Variants in CTNNA3 observed in about 807,000 individuals in gnomAD.
CTNNA3 encodes catenin alpha 3.
Under a neutral mutation model 95.7 loss-of-function variants are expected in CTNNA3, and 76 were observed. That is an observed-to-expected ratio of 0.79 (90% confidence interval 0.66 to 0.96). The LOEUF is 0.96. Ranked by LOEUF, CTNNA3 falls within the 40% of genes least tolerant of loss-of-function variation. The probability of loss-of-function intolerance (pLI) is 0.00; values close to 1 mark genes in which losing one functional copy is unlikely to be tolerated. For synonymous variants in CTNNA3, 431 were observed against 374.4 expected, an observed-to-expected ratio of 1.15 and a Z score of -1.74; for missense variants, 1,191 against 1,089.8, an observed-to-expected ratio of 1.09 and a Z score of -1.31.
intron 5 of CTNNA3, among the ~76,000 whole-genome samples, chr10:67,478,809 A>G (rs935460488): frequency 5.3e-5 from 8 of 150,978 alleles, no homozygotes; most frequent in African/African-American, 2.0e-4. Flanking sequence ...CAGTCTAAAC[A>G]CCCCCACTTA....
intron 7 of CTNNA3, among the ~76,000 whole-genome samples, chr10:66,865,837 T>A (rs1265332797): frequency 6.6e-6 from 1 of 152,078 alleles, no homozygotes; most frequent in East Asian, 1.9e-4. Flanking sequence ...AAATACACCA[T>A]AAGTTGAACA....
At chr10:66,570,589 C>A (rs1174263405) in intron 10 of CTNNA3, among the ~76,000 whole-genome samples, 1 of 151,438 alleles carries the variant, frequency 6.6e-6, no homozygotes, top group African/African-American at 2.4e-5. Context: ...ACCCAGCCGA[C>A]AAAATATGAA....
chr10:67,484,547 T>A (rs1420793544), intron 5 of CTNNA3, among the ~76,000 whole-genome samples: 2 of 152,180 alleles, frequency 1.3e-5, no homozygotes, highest in Non-Finnish European at 2.9e-5. Flanking sequence ...ATTCACAAGC[T>A]AGGCATCTGA....
At chr10:67,339,714 T>C (rs992447864) in intron 5 of CTNNA3, among the ~76,000 whole-genome samples, 7 of 152,208 alleles carry the variant, frequency 4.6e-5, no homozygotes, top group African/African-American at 7.2e-5. Context: ...AGAATACTCT[T>C]ATGTTGAAAT....
At chr10:66,323,296 T>A (rs922133965) in intron 12 of CTNNA3, among the ~76,000 whole-genome samples, 5 of 151,890 alleles carry the variant, frequency 3.3e-5, no homozygotes, top group African/African-American at 1.2e-4. Flanking sequence ...ATTTAATATA[T>A]TTTTTTAACA....
chr10:66,789,066 A>C (rs368056049), intron 7 of CTNNA3, among the ~76,000 whole-genome samples: 1 of 152,332 alleles, frequency 6.6e-6, no homozygotes. Context: ...TAACAAGTGC[A>C]TTGTTACAAG....
intron 7 of CTNNA3, among the ~76,000 whole-genome samples, chr10:67,176,266 T>C (rs1031812994): frequency 5.9e-5 from 9 of 152,226 alleles, no homozygotes; most frequent in Non-Finnish European, 1.3e-4. Context: ...CAGTCCATTG[T>C]ATAAATGTAG....
intron 7 of CTNNA3, among the ~76,000 whole-genome samples, chr10:67,000,635 GCCT>G (rs68056118): frequency 0.37 from 56,652 of 151,772 alleles, 10,989 homozygotes; most frequent in Middle Eastern, 0.58. Flanking sequence ...CAGATCTGCT[GCCT>G]CCTATTACAG....
intron 1 of CTNNA3, among the ~76,000 whole-genome samples, chr10:67,706,697 T>C (rs1841080893): frequency 6.6e-6 from 1 of 152,214 alleles, no homozygotes; most frequent in Non-Finnish European, 1.5e-5. Flanking sequence ...ACCCACCTGA[T>C]GTGTCATTAA....
intron 9 of CTNNA3, among the ~76,000 whole-genome samples, chr10:66,686,901 TG>T (rs1170457824): frequency 1.3e-5 from 2 of 152,176 alleles, no homozygotes; most frequent in African/African-American, 2.4e-5. Context: ...TGTTGTTTTT[TG>T]TTTTTTTGTC....
At chr10:66,389,724 GGAGAGAGAGAGAGAGAGA>G (rs3980751) in intron 11 of CTNNA3, among the ~76,000 whole-genome samples, 1 of 145,414 alleles carries the variant, frequency 6.9e-6, no homozygotes, top group Admixed American at 7.0e-5. Flanking sequence ...ATATATATAT[GGAGAGAGAGAGAGAGAGA>G]GAGAGAGAGA....
At chr10:66,801,365 G>A (rs987269720) in intron 7 of CTNNA3, among the ~76,000 whole-genome samples, 1 of 151,012 alleles carries the variant, frequency 6.6e-6, no homozygotes, top group Non-Finnish European at 1.5e-5. Flanking sequence ...AGACAACAAA[G>A]TAAAATCATG....
chr10:66,847,902 T>C (rs575358874), intron 7 of CTNNA3, among the ~76,000 whole-genome samples: 2 of 152,262 alleles, frequency 1.3e-5, no homozygotes, highest in East Asian at 3.9e-4. Context: ...AAAACTGAGA[T>C]AGCTGAGAAT....
At chr10:67,580,275 G>C (rs1842337642) in intron 3 of CTNNA3, among the ~76,000 whole-genome samples, 1 of 152,086 alleles carries the variant, frequency 6.6e-6, no homozygotes, top group African/African-American at 2.4e-5. Flanking sequence ...TCTACATATG[G>C]CTAGCAAGTT....
intron 12 of CTNNA3, among the ~76,000 whole-genome samples, chr10:66,317,484 C>T (rs1380164087): frequency 6.6e-6 from 1 of 151,838 alleles, no homozygotes. Context: ...CCAGCCTGGC[C>T]AACATAGTGA....
intron 7 of CTNNA3, among the ~76,000 whole-genome samples, chr10:66,889,211 A>G (rs768696900): frequency 6.6e-6 from 1 of 152,228 alleles, no homozygotes; most frequent in Non-Finnish European, 1.5e-5. Flanking sequence ...AGCAGATGCC[A>G]GAGCTTGGGT....
At chr10:66,665,561 T>A (rs1434239839) in intron 9 of CTNNA3, among the ~76,000 whole-genome samples, 2 of 152,186 alleles carry the variant, frequency 1.3e-5, no homozygotes, top group African/African-American at 4.8e-5. Flanking sequence ...CTTTACCCAA[T>A]CATGAGTCTG....
rs992444143 is a variant in CTNNA3, at chr10:67,741,722, A to G, written c.-2+21712T>C. 3.3e-5 allele frequency among the ~76,000 whole-genome samples: 5 copies of G among 151,356 alleles called. 1 individual carries two copies. The highest frequency in any genetic ancestry group is 2.6e-4 in the Admixed American group (4 of 15,114). On this transcript the variant is annotated intron_variant, in intron 1 of 17. Coordinates refer to the CTNNA3 transcript ENST00000684154. ...AAGACACAGACTGGCAAACTGGATAAAGAGTCAAGACCCATCAGTGTGCTG... is the reference window on the plus strand; with the variant it reads ...AAGACACAGACTGGCAAACTGGATAGAGAGTCAAGACCCATCAGTGTGCTG...
intron 2 of CTNNA3, among the ~76,000 whole-genome samples, chr10:67,616,196 C>G (rs945432407): frequency 1.3e-5 from 2 of 152,076 alleles, no homozygotes; most frequent in Admixed American, 1.3e-4. Flanking sequence ...ATTCCAGGAG[C>G]AATAGGAAGG....
Sources: allele counts gnomAD v4.1 joint callset (sites outside exome capture counted in the v4.1 genomes callset), GRCh38; gene constraint gnomAD v4.1.1; transcripts MANE v1.5; gene names NCBI Gene and HGNC (gene_info 2026-07-23, HGNC 2026-07-21).